The following CYSTM1 variants were observed in gnomAD, a reference collection of about 807,000 sequenced individuals.
CYSTM1 encodes cysteine rich transmembrane module containing 1.
In CYSTM1, 4 loss-of-function variants were observed where a neutral mutation model predicts 13.1. The ratio of observed to expected loss-of-function variants is 0.31; its 90% CI spans 0.15 to 0.70. The LOEUF (loss-of-function observed/expected upper bound fraction) is 0.70. CYSTM1 is among the 30% of genes least tolerant of loss of function. The pLI, the probability that CYSTM1 is intolerant of heterozygous loss-of-function variation, is 0.72. For missense variants in CYSTM1, 96 were observed against 121.6 expected (o/e 0.79, Z 0.99); for synonymous variants, 36 against 42.7 (o/e 0.84, Z 0.62).
chr5:140,223,935 C>T (rs1312884896), intron 2 of CYSTM1, among the ~76,000 whole-genome samples: 1 of 152,108 alleles, frequency 6.6e-6, no homozygotes, highest in South Asian at 2.1e-4. Context: ...ATATACAGAT[C>T]GACCCCCAAA....
chr5:140,216,249 T>A (rs1764425332), intron 2 of CYSTM1, among the ~76,000 whole-genome samples: 1 of 152,238 alleles, frequency 6.6e-6, no homozygotes, highest in South Asian at 2.1e-4. Flanking sequence ...TTCACCGATG[T>A]CTCCATTTCA....
At chr5:140,213,209 C>T (rs1433623096) in intron 2 of CYSTM1, among the ~76,000 whole-genome samples, 4 of 151,114 alleles carry the variant, frequency 2.6e-5, no homozygotes, top group African/African-American at 9.7e-5. Context: ...TACTGACCTT[C>T]TGTAGACGTA....
At chr5:140,192,452 T>A (rs1764105141) in intron 1 of CYSTM1, among the ~76,000 whole-genome samples, 1 of 152,198 alleles carries the variant, frequency 6.6e-6, no homozygotes, top group Admixed American at 6.5e-5. Context: ...AGAGGTAGTT[T>A]AGGTTAGGCC....
intron 2 of CYSTM1, among the ~76,000 whole-genome samples, chr5:140,236,473 G>T (rs1764682499): frequency 6.6e-6 from 1 of 152,196 alleles, no homozygotes; most frequent in Non-Finnish European, 1.5e-5. Context: ...CAATGGCCTA[G>T]AAAATTATGA....
At chr5:140,185,441 G>C (rs1388526934) in intron 1 of CYSTM1, among the ~76,000 whole-genome samples, 1 of 152,196 alleles carries the variant, frequency 6.6e-6, no homozygotes, top group Non-Finnish European at 1.5e-5. Context: ...GATATTGAAT[G>C]AAGTAGGGGA....
intron 2 of CYSTM1, among the ~76,000 whole-genome samples, chr5:140,208,374 G>A (rs1764322964): frequency 6.6e-6 from 1 of 152,186 alleles, no homozygotes. Flanking sequence ...TTATTTGTGG[G>A]ATCTAAAAAT....
intron 2 of CYSTM1, among the ~76,000 whole-genome samples, chr5:140,232,851 G>A (rs1328077629): frequency 6.6e-6 from 1 of 152,130 alleles, no homozygotes; most frequent in Non-Finnish European, 1.5e-5. Flanking sequence ...ATCAAGTAAG[G>A]GAGTCAGGCT....
intron 2 of CYSTM1, among the ~76,000 whole-genome samples, chr5:140,215,678 A>G (rs1764417262): frequency 6.6e-6 from 1 of 152,126 alleles, no homozygotes; most frequent in Admixed American, 6.6e-5. Context: ...ATGTTGTGAT[A>G]TAGCCCTTTT....
chr5:140,181,046 A>G (rs558760838), intron 1 of CYSTM1, among the ~76,000 whole-genome samples: 10 of 152,360 alleles, frequency 6.6e-5, no homozygotes, highest in Non-Finnish European at 1.2e-4. Context: ...GATGGGAAAC[A>G]GTTGAACTAC....
intron 2 of CYSTM1, among the ~76,000 whole-genome samples, chr5:140,204,365 C>T (rs1764271352): frequency 6.6e-6 from 1 of 152,090 alleles, no homozygotes; most frequent in Non-Finnish European, 1.5e-5. Context: ...AGAGCAAGAC[C>T]CTGTCTCTCA....
chr5:140,223,299 T>A (rs923657399), intron 2 of CYSTM1, among the ~76,000 whole-genome samples: 4 of 152,244 alleles, frequency 2.6e-5, no homozygotes, highest in African/African-American at 9.6e-5. Flanking sequence ...CTTCTCCTGC[T>A]CTGGCACATG....
chr5:140,209,867 CT>C (rs891569505), intron 2 of CYSTM1, among the ~76,000 whole-genome samples: 8 of 151,626 alleles, frequency 5.3e-5, no homozygotes, highest in Admixed American at 2.0e-4. Context: ...GCTGTTTGCA[CT>C]TTTTTTTTCC....
chr5:140,194,347 C>A, intron 1 of CYSTM1, 99 bp from the exon 2 acceptor site: 1 of 1,170,702 alleles, frequency 8.5e-7, no homozygotes. Context: ...GCTTGATACA[C>A]CTTGAAGGTA....
chr5:140,209,602 G>A (rs918130676), intron 2 of CYSTM1, among the ~76,000 whole-genome samples: 4 of 144,134 alleles, frequency 2.8e-5, no homozygotes, highest in African/African-American at 7.4e-5. Flanking sequence ...GCTAATTTTT[G>A]TATTTTTAGT....
At chr5:140,179,551 C>T (rs1215275349) in intron 1 of CYSTM1, among the ~76,000 whole-genome samples, 3 of 151,912 alleles carry the variant, frequency 2.0e-5, no homozygotes, top group Admixed American at 2.0e-4. Flanking sequence ...CAGAGGAAGA[C>T]TCTGTCTGAA....
At chr5:140,180,367 T>C (rs1296373353) in intron 1 of CYSTM1, among the ~76,000 whole-genome samples, 1 of 152,154 alleles carries the variant, frequency 6.6e-6, no homozygotes, top group East Asian at 1.9e-4. Flanking sequence ...ATGAGGGAAA[T>C]TCTGACAGAA....
At position 140,178,441 on chromosome 5, in the gene CYSTM1, C is replaced by CTTTTTTTTTTTTTTTTTTTTTTTTTTTTT. The variant is rs577709524; in HGVS notation, c.-21+3181_-21+3182insTTTTTTTTTTTTTTTTTTTTTTTTTTTTT. ...TGGAAAAGCCCTATTCAAGTCCTTC[C>CTTTTTTTTTTTTTTTTTTTTTTTTTTTTT]TTTTTTTTTTTTTTTTTTTTTTTTT... On this transcript the variant is annotated intron_variant, in intron 1 of 2. Transcript: ENST00000261811. 9.5e-5 allele frequency among the ~76,000 whole-genome samples: 5 copies of CTTTTTTTTTTTTTTTTTTTTTTTTTTTTT among 52,628 alleles called. 2 individuals carry two copies. Among genetic ancestry groups the CTTTTTTTTTTTTTTTTTTTTTTTTTTTTT allele is most frequent in the Non-Finnish European group, 1.6e-4 (5 of 30,438 alleles). 34.5% of individuals were successfully genotyped at this position (52,628 alleles called of 152,430 possible).
intron 1 of CYSTM1, among the ~76,000 whole-genome samples, chr5:140,193,712 G>A (rs535167579): frequency 2.6e-5 from 4 of 152,354 alleles, no homozygotes; most frequent in South Asian, 4.1e-4. Flanking sequence ...GCTGGGAAGC[G>A]TGGCTTCCCT....
Position 140,230,753 on chromosome 5 carries a change from G to C in CYSTM1, c.188-12552G>C, listed in dbSNP as rs1356439058. 6.6e-6 allele frequency among the ~76,000 whole-genome samples: 1 copy of C among 152,170 alleles called. No individual in the cohort carries two copies. The highest frequency in any genetic ancestry group is 1.5e-5 in the Non-Finnish European group (1 of 68,024). ...CTTGTAAACTCTGTTAGGGATTGGT[G>C]TCTTTAATCTTTGGGGCACAGTTTC... On this transcript the variant is annotated intron_variant, in intron 2 of 2. Transcript: ENST00000261811. The surrounding 1 kb of genome is among the most constrained non-coding windows in gnomAD (Gnocchi z 4.1).
Sources: allele counts gnomAD v4.1 joint callset (sites outside exome capture counted in the v4.1 genomes callset), GRCh38; gene constraint gnomAD v4.1.1; non-coding constraint Gnocchi (gnomAD v3.1); transcripts MANE v1.5; gene names NCBI Gene and HGNC (gene_info 2026-07-23, HGNC 2026-07-21).